Variants in XPR1 observed in about 807,000 individuals in gnomAD.
XPR1 encodes xenotropic and polytropic retrovirus receptor 1, also known as solute carrier family 53 member 1.
Under a neutral mutation model 87.5 loss-of-function variants are expected in XPR1, and 28 were observed. The observed-to-expected ratio is 0.32, with a 90% CI of 0.24 to 0.44. XPR1 has a LOEUF of 0.44. XPR1 is among the 20% of genes least tolerant of loss of function. XPR1 has a pLI of 1.00. For missense variants in XPR1, 559 were observed against 862.3 expected (o/e 0.65, Z 4.41); for synonymous variants, 300 against 306.1 (o/e 0.98, Z 0.21).
chr1:180,784,285 G>A lies in XPR1; in HGVS notation c.122-3468G>A, dbSNP rs1301166315. Among the ~76,000 whole-genome samples the A allele has an allele frequency of 1.3e-5, 2 of 151,954 alleles. 1 individual carries two copies. Among genetic ancestry groups the A allele is most frequent in the Non-Finnish European group, 2.9e-5 (2 of 67,950 alleles). On this transcript the variant is annotated intron_variant, in intron 2 of 14. Coordinates refer to ENST00000367590, the MANE Select transcript of XPR1 (RefSeq NM_004736.4). ...TAAAACTCTTTCTAACCTGATGGTTGAAAAGCTATATTTCCTTTTTTAAAA... is the reference window on the plus strand; with the variant it reads ...TAAAACTCTTTCTAACCTGATGGTTAAAAAGCTATATTTCCTTTTTTAAAA...
intron 1 of XPR1, among the ~76,000 whole-genome samples, chr1:180,640,044 C>T (rs1399843033): frequency 6.6e-6 from 1 of 152,158 alleles, no homozygotes; most frequent in Non-Finnish European, 1.5e-5. Context: ...AACCAGGTGT[C>T]AGCTGTTTTA....
At chr1:180,749,915 GC>G (rs1647456478) in intron 2 of XPR1, among the ~76,000 whole-genome samples, 1 of 152,198 alleles carries the variant, frequency 6.6e-6, no homozygotes, top group East Asian at 1.9e-4. Context: ...AGTTAAAAGG[GC>G]AAATGAAGGG....
At position 180,744,746 on chromosome 1, in the gene XPR1, G is replaced by A. The variant is rs565320945; in HGVS notation, c.122-43007G>A. ...GCTCACTGCAGCCTCCGCCTCCCGG[G>A]TTCAAGTGTTTCTCCAGCCTTAGCC... On this transcript the variant is annotated intron_variant, in intron 2 of 14. Transcript: ENST00000367590. 1.1e-4 allele frequency among the ~76,000 whole-genome samples: 16 copies of A among 146,226 alleles called. No individual in the cohort carries two copies. The South Asian group carries it at 3.5e-3, about 32-fold the overall frequency.
At chr1:180,683,799 T>C (rs1656669605) in intron 2 of XPR1, among the ~76,000 whole-genome samples, 1 of 150,856 alleles carries the variant, frequency 6.6e-6, no homozygotes. Context: ...CTTTGCCCAC[T>C]TTTTGATGGG....
chr1:180,673,171 G>A (rs1656242007), intron 1 of XPR1, among the ~76,000 whole-genome samples: 1 of 152,124 alleles, frequency 6.6e-6, no homozygotes, highest in South Asian at 2.1e-4. Flanking sequence ...ACCCATTTGT[G>A]CCTTGGAAAG....
intron 1 of XPR1, among the ~76,000 whole-genome samples, chr1:180,632,698 T>TTC (rs1163384284): frequency 6.6e-6 from 1 of 152,208 alleles, no homozygotes; most frequent in Non-Finnish European, 1.5e-5. Context: ...TAGGTCTTGT[T>TTC]TCTCTCTCTA....
chr1:180,834,376 C>T (rs1237981114), intron 9 of XPR1, among the ~76,000 whole-genome samples: 1 of 152,100 alleles, frequency 6.6e-6, no homozygotes, highest in Non-Finnish European at 1.5e-5. Flanking sequence ...CCACACCCAG[C>T]CCTGTAATAA....
chr1:180,635,231 T>A (rs990961343), intron 1 of XPR1, among the ~76,000 whole-genome samples: 1 of 152,122 alleles, frequency 6.6e-6, no homozygotes, highest in Non-Finnish European at 1.5e-5. Flanking sequence ...GTGCAAAGAA[T>A]AAACACAAAC....
At chr1:180,704,245 G>GATATAT (rs35751561) in intron 2 of XPR1, among the ~76,000 whole-genome samples, 2,741 of 65,974 alleles carry the variant, frequency 0.042, 134 homozygotes, top group East Asian at 0.073. Context: ...ATAGGTGCTG[G>GATATAT]ATATATATAT....
At chr1:180,742,569 C>T (rs1161648088) in intron 2 of XPR1, among the ~76,000 whole-genome samples, 2 of 152,148 alleles carry the variant, frequency 1.3e-5, no homozygotes, top group East Asian at 3.9e-4. Flanking sequence ...GTACATAGTT[C>T]CATGTGCATT....
At chr1:180,827,237 G>T (rs181084338) in intron 9 of XPR1, among the ~76,000 whole-genome samples, 3 of 146,684 alleles carry the variant, frequency 2.0e-5, no homozygotes, top group Non-Finnish European at 3.0e-5. Context: ...TGTTCCTCCC[G>T]CCTTGGCCTC....
At chr1:180,686,817 A>G (rs1656798389) in intron 2 of XPR1, among the ~76,000 whole-genome samples, 1 of 152,194 alleles carries the variant, frequency 6.6e-6, no homozygotes, top group Admixed American at 6.5e-5. Flanking sequence ...TTTATAGTAG[A>G]AAGTCTCATT....
rs191564796 is a variant in XPR1 at position 180,664,280 on chromosome 1, C to T, written c.70-18080C>T. On this transcript the variant is annotated intron_variant, in intron 1 of 14. Transcript: ENST00000367590. ...AGCCAGCATGTCTCAGAGTCTCACC[C>T]AAGGCCCATGGTGTATACTACCTGT... Among the ~76,000 whole-genome samples the T allele has an allele frequency of 6.0e-4, 92 of 152,302 alleles. 1 individual carries two copies. The highest frequency in any genetic ancestry group is 2.1e-3 in the African/African-American group (87 of 41,574).
chr1:180,857,036 A>G (rs1007655490), intron 11 of XPR1, among the ~76,000 whole-genome samples: 2 of 152,384 alleles, frequency 1.3e-5, no homozygotes, highest in East Asian at 1.9e-4. Context: ...TATTTTGACT[A>G]TATATTAAAT....
At chr1:180,739,161 C>G (rs1571784940) in intron 2 of XPR1, among the ~76,000 whole-genome samples, 1 of 152,126 alleles carries the variant, frequency 6.6e-6, no homozygotes, top group African/African-American at 2.4e-5. Flanking sequence ...ATTGCCTGTG[C>G]ACCTTTGTCA....
At chr1:180,667,458 G>C (rs924470044) in intron 1 of XPR1, among the ~76,000 whole-genome samples, 1 of 152,034 alleles carries the variant, frequency 6.6e-6, no homozygotes, top group African/African-American at 2.4e-5. Flanking sequence ...ATCCCACTTG[G>C]TCATGGTGTA....
chr1:180,818,515 C>G (rs1301857631), intron 7 of XPR1, among the ~76,000 whole-genome samples: 8 of 151,950 alleles, frequency 5.3e-5, no homozygotes, highest in Non-Finnish European at 1.5e-5. Flanking sequence ...TATAGTGTTG[C>G]TGTGAGAACT....
At chr1:180,801,039 A>C (rs1649762554) in intron 3 of XPR1, among the ~76,000 whole-genome samples, 1 of 152,196 alleles carries the variant, frequency 6.6e-6, no homozygotes, top group African/African-American at 2.4e-5. Flanking sequence ...ATGATCAATT[A>C]ACCACAGCCA....
intron 2 of XPR1, among the ~76,000 whole-genome samples, chr1:180,738,398 T>A (rs893296270): frequency 1.3e-5 from 2 of 152,208 alleles, no homozygotes; most frequent in Non-Finnish European, 2.9e-5. Flanking sequence ...TTGGAGTTGC[T>A]CTGTATCTTT....
Sources: gnomAD v4.1 joint callset for allele counts (sites outside exome capture counted in the v4.1 genomes callset) on GRCh38, gnomAD v4.1.1 for gene constraint, MANE v1.5 for transcripts, NCBI Gene and HGNC (gene_info 2026-07-23, HGNC 2026-07-21) for gene names.